CALR3: variants seen among roughly 807,000 people sequenced by gnomAD.
CALR3 encodes calreticulin 3.
A neutral mutation model predicts 48.7 loss-of-function variants in CALR3; 39 were observed. The observed-to-expected ratio is 0.80, with a 90% CI of 0.62 to 1.05. The LOEUF (loss-of-function observed/expected upper bound fraction) is 1.05, where lower values mean the gene tolerates loss of function less well. CALR3 is among the 50% of genes least tolerant of loss of function. CALR3 has a pLI of 0.00. For missense variants in CALR3, 449 were observed against 474.7 expected, an observed-to-expected ratio of 0.95 and a Z score of 0.50; for synonymous variants, 185 against 172.7, an observed-to-expected ratio of 1.07 and a Z score of -0.56.
chr19:16,495,990 G>A, intron 1 of CALR3, 49 bp downstream of exon 1: 1 of 1,565,962 alleles, frequency 6.4e-7, no homozygotes, highest in Non-Finnish European at 8.7e-7. Flanking sequence ...CTTAGGGGGC[G>A]GAGATGGGGG....
rs201198066 is a variant in CALR3, at chr19:16,482,732, G to T, written c.732C>A (p.Asn244Lys). The T allele has an allele frequency of 4.3e-6, 7 of 1,613,822 alleles. No individual in the cohort carries two copies. The highest frequency in any genetic ancestry group is 5.9e-6 in the Non-Finnish European group (7 of 1,179,978). ...CTGGCCAGTCCCCATCCAGGTCACC[G>T]TTCCAGTCGCTCTGCTTGCTGGTGC... ...DASTSKQSDW[N>K]GDLDGDWPAP... Residue 244 changes from asparagine to lysine, a missense_variant, in exon 6 of 9, where the codon AAC becomes AAA. Physicochemically the swap from Asn to Lys is moderately conservative, Grantham distance 94. Transcript: ENST00000269881.
chr19:16,488,946 C>T (rs1475432487), intron 3 of CALR3, among the ~76,000 whole-genome samples: 1 of 152,190 alleles, frequency 6.6e-6, no homozygotes, highest in Non-Finnish European at 1.5e-5. Context: ...GCCACTGGTA[C>T]TGGCGAGCAG....
chr19:16,482,871 A>G (rs573258803), intron 5 of CALR3, 86 bp from the exon 6 acceptor site: 60 of 1,311,414 alleles, frequency 4.6e-5, no homozygotes, highest in East Asian at 1.3e-4. Context: ...TCTTGAGACT[A>G]GGTTTTGCTC....
chr19:16,490,341 G>A (rs762701925), intron 3 of CALR3, 26 bp downstream of exon 3: 6 of 1,602,362 alleles, frequency 3.7e-6, no homozygotes, highest in Non-Finnish European at 5.1e-6. Context: ...CACTAGAAGT[G>A]GTTGTGTTGC....
chr19:16,484,062 A>G lies in CALR3; in HGVS notation c.546T>C (p.Tyr182=), dbSNP rs369476772. ...YTLILRPDLS[Y]DVKIDGQSIE... ...TTGACTGACCATCAATTTTCACATC[A>G]TAAGAAAGATCTGGTCTTAAAATTA... The change falls in exon 5 of 9, where the codon TAT becomes TAC. Residue 182 remains tyrosine (Y), a synonymous_variant. Transcript: ENST00000269881. The G allele has an allele frequency of 4.6e-5, 75 of 1,614,016 alleles. No individual in the cohort carries two copies. Among genetic ancestry groups the G allele is most frequent in the Non-Finnish European group, 6.0e-5 (71 of 1,180,044 alleles).
At chr19:16,487,743 T>C (rs1467632738) in intron 3 of CALR3, among the ~76,000 whole-genome samples, 1 of 152,020 alleles carries the variant, frequency 6.6e-6, no homozygotes, top group Non-Finnish European at 1.5e-5. Context: ...GTTCAGGTGA[T>C]TCTCCTGCCT....
chr19:16,480,495 T>G, intron 8 of CALR3, 119 bp downstream of exon 8: 1 of 710,216 alleles, frequency 1.4e-6, no homozygotes, highest in Non-Finnish European at 2.5e-6. Context: ...GAGGTTGCAG[T>G]GAGCCGAGAC....
intron 1 of CALR3, 89 bp from the exon 2 acceptor site, chr19:16,495,941 G>C (rs1392593784): frequency 6.4e-7 from 1 of 1,565,012 alleles, no homozygotes; most frequent in Non-Finnish European, 8.8e-7. Flanking sequence ...GAGGATTCGA[G>C]GGTTCGCTGC....
At chr19:16,487,785 C>G (rs1415448945) in intron 3 of CALR3, among the ~76,000 whole-genome samples, 1 of 151,202 alleles carries the variant, frequency 6.6e-6, no homozygotes, top group Non-Finnish European at 1.5e-5. Flanking sequence ...TTATTACAGG[C>G]ATGCGCCACC....
chr19:16,488,556 C>T (rs981334193), intron 3 of CALR3, among the ~76,000 whole-genome samples: 1 of 150,796 alleles, frequency 6.6e-6, no homozygotes, highest in Non-Finnish European at 1.5e-5. Flanking sequence ...AGGCATGTGC[C>T]ACTATGCCCG....
At chr19:16,479,873 A>G (rs1168323148) in intron 8 of CALR3, among the ~76,000 whole-genome samples, 2 of 152,116 alleles carry the variant, frequency 1.3e-5, no homozygotes. Flanking sequence ...AAGCCTCCTC[A>G]CCACCTAGGA....
intron 3 of CALR3, among the ~76,000 whole-genome samples, chr19:16,487,178 A>T (rs1245581786): frequency 6.6e-6 from 1 of 151,880 alleles, no homozygotes; most frequent in Non-Finnish European, 1.5e-5. Flanking sequence ...GTTAATTTTT[A>T]AAATTGTTGT....
chr19:16,492,181 G>C (rs1457151626), intron 2 of CALR3, among the ~76,000 whole-genome samples: 1 of 152,158 alleles, frequency 6.6e-6, no homozygotes, highest in Non-Finnish European at 1.5e-5. Flanking sequence ...GAGAGGCCAG[G>C]CATGGTGGCT....
chr19:16,490,291 T>G (rs1370022831), intron 3 of CALR3, 76 bp downstream of exon 3: 1 of 1,315,722 alleles, frequency 7.6e-7, no homozygotes, highest in African/African-American at 1.4e-5. Flanking sequence ...TAGCAAAGTC[T>G]TAGTCTAAAG....
At chr19:16,494,541 T>C (rs2093402947) in intron 2 of CALR3, among the ~76,000 whole-genome samples, 1 of 151,818 alleles carries the variant, frequency 6.6e-6, no homozygotes, top group Non-Finnish European at 1.5e-5. Flanking sequence ...TTTGTATTTT[T>C]AGTAGAGACA....
chr19:16,489,003 G>C (rs906623604), intron 3 of CALR3, among the ~76,000 whole-genome samples: 1 of 152,196 alleles, frequency 6.6e-6, no homozygotes, highest in African/African-American at 2.4e-5. Flanking sequence ...ATTCCAGTAA[G>C]ACTTCATTTA....
At position 16,490,458 on chromosome 19, in the gene CALR3, C is replaced by T; in HGVS notation, c.306G>A (p.Lys102=). Residue 102 remains lysine (K), a synonymous_variant, in exon 3 of 9, where the codon AAG becomes AAA. Transcript: ENST00000269881. ...VIQYTVKHEQ[K]MDCGGGYIKV... is the part of the protein sequence containing the mutation. Reference sequence around the variant, plus strand: ...TAATGTAGCCCCCTCCACAGTCCATCTTCTGCTCATGTTTTACTGTGTACT... The same window carrying T: ...TAATGTAGCCCCCTCCACAGTCCATTTTCTGCTCATGTTTTACTGTGTACT... The T allele has an allele frequency of 3.1e-6, 5 of 1,614,176 alleles. No homozygotes were observed. The highest frequency in any genetic ancestry group is 4.2e-6 in the Non-Finnish European group (5 of 1,180,038).
intron 3 of CALR3, among the ~76,000 whole-genome samples, chr19:16,488,138 G>T (rs10469468): frequency 6.6e-6 from 1 of 151,804 alleles, no homozygotes; most frequent in African/African-American, 2.4e-5. Flanking sequence ...TAATAGAAAC[G>T]GGGTTTCTCC....
At position 16,480,720 on chromosome 19, in the gene CALR3, T is replaced by C. The variant is rs1402278274; in HGVS notation, c.919-14A>G. On this transcript the variant is annotated splice_polypyrimidine_tract_variant and intron_variant, in intron 7 of 8. Transcript: ENST00000269881. ...TCCAGATCTCACCTGCAGATGAAAA[T>C]AAGGCCTTCATTATTATGCTTTTAT... 6.5e-7 allele frequency: 1 copy of C among 1,530,986 alleles called. No individual in the cohort carries two copies. Among genetic ancestry groups the C allele is most frequent in the Admixed American group, 1.7e-5 (1 of 59,662 alleles). The allele number at this position is 1,530,986 out of a possible 1,614,324, so 94.8% of individuals were successfully genotyped here. A position where few individuals can be genotyped will look rare whatever the true frequency, so the allele number is the denominator to read the frequency against.
Sources: allele counts gnomAD v4.1 joint callset (sites outside exome capture counted in the v4.1 genomes callset), GRCh38; gene constraint gnomAD v4.1.1; transcripts MANE v1.5; gene names NCBI Gene and HGNC (gene_info 2026-07-23, HGNC 2026-07-21).